The following CHERP variants were observed in gnomAD, a reference collection of about 807,000 sequenced individuals.
CHERP encodes calcium homeostasis endoplasmic reticulum protein.
Under a neutral mutation model 113.8 loss-of-function variants are expected in CHERP, and 8 were observed. The ratio of observed to expected loss-of-function variants is 0.07; its 90% confidence interval spans 0.04 to 0.13. The LOEUF (loss-of-function observed/expected upper bound fraction) is 0.13, where lower values mean the gene tolerates loss of function less well. Among genes scored for constraint, CHERP ranks in the 10% least tolerant of loss-of-function variants. The pLI, the probability that CHERP is intolerant of heterozygous loss-of-function variation, is 1.00. For missense variants in CHERP, 884 were observed against 1,298.2 expected, an observed-to-expected ratio of 0.68 and a Z score of 4.90; for synonymous variants, 559 against 524.5, an observed-to-expected ratio of 1.07 and a Z score of -0.90.
rs762082612 is a variant in CHERP at position 16,530,747 on chromosome 19, C to T, written c.786+22G>A. 1.2e-6 allele frequency: 2 copies of T among 1,613,932 alleles called. No individual in the cohort carries two copies. The highest frequency in any genetic ancestry group is 1.7e-6 in the Non-Finnish European group (2 of 1,179,922). Reference sequence around the variant, plus strand: ...CCTGTGTGTCCCGGTCTTGCCCAACCCCCGGCCCGGGGCCCACGCACCCGG... The same window carrying T: ...CCTGTGTGTCCCGGTCTTGCCCAACTCCCGGCCCGGGGCCCACGCACCCGG... On this transcript the variant is annotated intron_variant, in intron 6 of 16. Coordinates refer to ENST00000546361, the MANE Select transcript of CHERP (RefSeq NM_006387.6). This position sits in a 1 kb window ranked among gnomAD's most constrained non-coding sequence, Gnocchi z 4.1.
chr19:16,532,948 A>G lies in CHERP; in HGVS notation c.522+63T>C. The G allele has an allele frequency of 6.5e-7, 1 of 1,547,684 alleles. No homozygotes were observed. On this transcript the variant is annotated intron_variant, in intron 4 of 16. Transcript: ENST00000546361. This position sits in a 1 kb window ranked among gnomAD's most constrained non-coding sequence, Gnocchi z 4.4. Reference sequence around the variant, plus strand: ...CAGCCCTTAGCCCAGATTGGCTACGACAGGCCCTGCCTCAGGGAGGGACCA... The same window carrying G: ...CAGCCCTTAGCCCAGATTGGCTACGGCAGGCCCTGCCTCAGGGAGGGACCA...
rs1011256824 is a variant in CHERP at position 16,535,569 on chromosome 19, C to T, written c.267G>A (p.Pro89=). 6 of 1,566,504 alleles carry T rather than the reference C, an allele frequency of 3.8e-6. No homozygotes were observed. The highest frequency in any genetic ancestry group is 2.4e-5 in the East Asian group (1 of 42,226). ...AATMPPLPQP[P]LAPAAPIPPA... is the part of the protein sequence containing the mutation. ...GCGGGATGGGCGCGGCGGGGGCCAG[C>T]GGGGGCTGTGGCAGGGGTGGCATGG... is the stretch of plus-strand genomic sequence containing the variant. The change falls in exon 3 of 17, where the codon CCG becomes CCA. Residue 89 remains proline, a synonymous_variant. Transcript: ENST00000546361. This position sits in a 1 kb window ranked among gnomAD's most constrained non-coding sequence, Gnocchi z 4.3.
intron 12 of CHERP, chr19:16,521,125 A>T (rs936915814): frequency 2.8e-5 from 17 of 605,796 alleles, no homozygotes; most frequent in Non-Finnish European, 4.4e-5. Flanking sequence ...CGCCCTTGCC[A>T]CCCTGCTGTT....
Position 16,530,146 on chromosome 19 carries a change from G to A in CHERP, c.877-246C>T, listed in dbSNP as rs896476386. Among the ~76,000 whole-genome samples the A allele has an allele frequency of 7.9e-5, 12 of 152,328 alleles. No homozygotes were observed. The highest frequency in any genetic ancestry group is 6.2e-4 in the South Asian group (3 of 4,828). Reference sequence around the variant, plus strand: ...ACTCCCTGATAACAGAACGAGCAACGACAGCCGTGTCCTGGCCGCTTCGTG... The same window carrying A: ...ACTCCCTGATAACAGAACGAGCAACAACAGCCGTGTCCTGGCCGCTTCGTG... On this transcript the variant is annotated intron_variant, in intron 7 of 16. Transcript: ENST00000546361. This position sits in a 1 kb window ranked among gnomAD's most constrained non-coding sequence, Gnocchi z 4.1.
At chr19:16,533,962 C>T (rs12462680) in intron 3 of CHERP, among the ~76,000 whole-genome samples, 5 of 152,154 alleles carry the variant, frequency 3.3e-5, no homozygotes, top group Middle Eastern at 3.4e-3. Flanking sequence ...AGCTGCCATG[C>T]GGACCAGCGG....
rs142492134 is a variant in CHERP at position 16,530,987 on chromosome 19, C to T, written c.675-107G>A. ...CAGCGCCCTCTGCCTTCTCGGGAAT[C>T]GGGTCCCCAACCCGGTCAGGGCGAT... On this transcript the variant is annotated intron_variant, in intron 5 of 16. Coordinates refer to ENST00000546361, the MANE Select transcript of CHERP (RefSeq NM_006387.6). The surrounding 1 kb of genome is among the most constrained non-coding windows in gnomAD (Gnocchi z 4.1). 1,531 of 1,498,274 alleles carry T rather than the reference C, an allele frequency of 1.0e-3. 13 individuals carry two copies. In the African/African-American group the frequency reaches 0.018, roughly 18 times the overall value. 92.8% of individuals were successfully genotyped at this position (1,498,274 alleles called of 1,614,324 possible).
At chr19:16,539,996 A>G (rs2085767428) in intron 2 of CHERP, 1 of 152,102 alleles carries the variant, frequency 6.6e-6, no homozygotes, top group Non-Finnish European at 1.5e-5. Flanking sequence ...ATACACACAT[A>G]AACTCTCTCT....
At chr19:16,536,983 G>C (rs1023169962) in intron 2 of CHERP, among the ~76,000 whole-genome samples, 1 of 152,186 alleles carries the variant, frequency 6.6e-6, no homozygotes, top group South Asian at 2.1e-4. Flanking sequence ...CTGCACTCCA[G>C]TGTGGGTGAC....
intron 8 of CHERP, among the ~76,000 whole-genome samples, chr19:16,529,424 A>T (rs117062228): frequency 0.017 from 2,576 of 152,298 alleles, 33 homozygotes; most frequent in Middle Eastern, 0.031. Context: ...CTCTGGGAAC[A>T]GGAAACAGAT....
chr19:16,539,034 C>T (rs1325230554), intron 2 of CHERP, among the ~76,000 whole-genome samples: 2 of 152,114 alleles, frequency 1.3e-5, no homozygotes, highest in East Asian at 3.9e-4. Flanking sequence ...CTGCAGGCCT[C>T]ACTGCTCCCC....
At chr19:16,536,768 G>A (rs2085743913) in intron 2 of CHERP, among the ~76,000 whole-genome samples, 1 of 152,220 alleles carries the variant, frequency 6.6e-6, no homozygotes, top group Non-Finnish European at 1.5e-5. Context: ...TATAATCCCA[G>A]CACTTTGGGA....
At chr19:16,542,226 G>A (rs1270902740) in intron 1 of CHERP, 128 bp downstream of exon 1, 4 of 1,092,840 alleles carry the variant, frequency 3.7e-6, no homozygotes, top group Non-Finnish European at 5.0e-6. Context: ...ACCCACGGGA[G>A]AGGCCGCAGG....
chr19:16,518,925 C>T lies in CHERP; in HGVS notation c.*234G>A, dbSNP rs1188196786. 3.0e-5 allele frequency: 17 copies of T among 560,444 alleles called. No individual in the cohort carries two copies. The East Asian group carries it at 4.7e-4, about 15-fold the overall frequency. 34.7% of individuals were successfully genotyped at this position (560,444 alleles called of 1,614,324 possible). On this transcript the variant is annotated 3_prime_UTR_variant, in exon 17 of 17. Coordinates refer to ENST00000546361, the MANE Select transcript of CHERP (RefSeq NM_006387.6). ...CTATAAAGGAAAACGAGCCTGGGGC[C>T]CTGGTGGCTGCAGCGCCTCCTGGTG...
chr19:16,530,936 G>A lies in CHERP; in HGVS notation c.675-56C>T, dbSNP rs555376586. The A allele has an allele frequency of 1.3e-4, 199 of 1,589,524 alleles. No individual in the cohort carries two copies. Among genetic ancestry groups the A allele is most frequent in the South Asian group, 1.2e-3 (109 of 90,120 alleles). On this transcript the variant is annotated intron_variant, in intron 5 of 16. Coordinates refer to ENST00000546361, the MANE Select transcript of CHERP (RefSeq NM_006387.6). This position sits in a 1 kb window ranked among gnomAD's most constrained non-coding sequence, Gnocchi z 4.1. ...GCCCTGGGGCGGGACCCGGCCACGCGCCCGTTACCATCGCGGCTCCAGCCT... is the reference window on the plus strand; with the variant it reads ...GCCCTGGGGCGGGACCCGGCCACGCACCCGTTACCATCGCGGCTCCAGCCT...
At position 16,525,218 on chromosome 19, in the gene CHERP, C is replaced by T; in HGVS notation, c.1741+24G>A. 1 of 1,408,548 alleles carries T rather than the reference C, an allele frequency of 7.1e-7. No homozygotes were observed. 87.3% of individuals were successfully genotyped at this position (1,408,548 alleles called of 1,614,324 possible). ...GAGCCGTGGATGCCTCCGCCAGGCC[C>T]TACCCAGGCGCCCGTACACTCACCG... On this transcript the variant is annotated intron_variant, in intron 10 of 16. Transcript: ENST00000546361. This position sits in a 1 kb window ranked among gnomAD's most constrained non-coding sequence, Gnocchi z 6.5.
rs772557773 is a variant in CHERP at position 16,532,589 on chromosome 19, G to GGCGCTCACA, written c.674+8_674+9insTGTGAGCGC. 2.5e-6 allele frequency: 4 copies of GGCGCTCACA among 1,588,184 alleles called. No homozygotes were observed. The East Asian group carries it at 9.0e-5, about 36-fold the overall frequency. On this transcript the variant is annotated intron_variant, in intron 5 of 16. Coordinates refer to ENST00000546361, the MANE Select transcript of CHERP (RefSeq NM_006387.6). This position sits in a 1 kb window ranked among gnomAD's most constrained non-coding sequence, Gnocchi z 4.4. Reference sequence around the variant, plus strand: ...AGTGGCGCTCTGGGCACGGGGTGGCGGCGCTCACCAGTGGTGCAGCACGTC... The same window carrying GGCGCTCACA: ...AGTGGCGCTCTGGGCACGGGGTGGCGGCGCTCACAGCGCTCACCAGTGGTGCAGCACGTC...
chr19:16,528,251 G>A lies in CHERP; in HGVS notation c.1134C>T (p.Asp378=). The A allele has an allele frequency of 6.3e-7, 1 of 1,576,136 alleles. No homozygotes were observed. The highest frequency in any genetic ancestry group is 2.2e-5 in the East Asian group (1 of 44,528). ...CAGGCATCTGGATGGGAGGCTTGCT[G>A]TCATCTAAATCCAAGTGACAGGCAG... is the stretch of plus-strand genomic sequence containing the variant. ...PAIPPTTQPD[D]SKPPIQMPGS... Residue 378 remains aspartate (D), a synonymous_variant, in exon 9 of 17, where the codon GAC becomes GAT. Coordinates refer to ENST00000546361, the MANE Select transcript of CHERP (RefSeq NM_006387.6).
chr19:16,529,561 G>A (rs1252505195), intron 8 of CHERP, 87 bp downstream of exon 8: 4 of 1,442,212 alleles, frequency 2.8e-6, no homozygotes, highest in Non-Finnish European at 3.7e-6. Context: ...TGAGTCTGAG[G>A]GTGGCAGACT....
intron 10 of CHERP, among the ~76,000 whole-genome samples, chr19:16,524,822 G>A (rs537505752): frequency 1.7e-4 from 25 of 151,322 alleles, no homozygotes; most frequent in Non-Finnish European, 3.1e-4. Flanking sequence ...ACAGTGGTGC[G>A]ATCACAGCTC....
Sources: allele counts gnomAD v4.1 joint callset (sites outside exome capture counted in the v4.1 genomes callset), GRCh38; gene constraint gnomAD v4.1.1; non-coding constraint Gnocchi (gnomAD v3.1); transcripts MANE v1.5; gene names NCBI Gene and HGNC (gene_info 2026-07-23, HGNC 2026-07-21).